SMYD3: variants seen among roughly 807,000 people sequenced by gnomAD.
SMYD3 encodes SET and MYND domain containing 3, also known as histone-lysine N-methyltransferase SMYD3.
In SMYD3, 36 loss-of-function variants were observed where a neutral mutation model predicts 57.7. That is an observed-to-expected ratio of 0.62 (90% CI 0.48 to 0.82). The LOEUF (loss-of-function observed/expected upper bound fraction) is 0.82. Among genes scored for constraint, SMYD3 ranks in the 40% least tolerant of loss-of-function variants. The probability of loss-of-function intolerance (pLI) is 0.00; values close to 1 mark genes in which losing one functional copy is unlikely to be tolerated. For synonymous variants in SMYD3, 211 were observed against 195.0 expected, an observed-to-expected ratio of 1.08 and a Z score of -0.68; for missense variants, 515 against 538.8, an observed-to-expected ratio of 0.96 and a Z score of 0.44.
At chr1:246,490,184 G>A (rs112845596) in intron 1 of SMYD3, among the ~76,000 whole-genome samples, 301 of 152,008 alleles carry the variant, frequency 2.0e-3, no homozygotes, top group Middle Eastern at 3.4e-3. Flanking sequence ...ATAAACATTC[G>A]CTGTGACATA....
intron 5 of SMYD3, among the ~76,000 whole-genome samples, chr1:246,034,083 A>C (rs894850602): frequency 6.6e-6 from 1 of 152,230 alleles, no homozygotes; most frequent in African/African-American, 2.4e-5. Context: ...AAAATTGCCT[A>C]GCACAGACAG....
intron 5 of SMYD3, among the ~76,000 whole-genome samples, chr1:246,196,277 G>T (rs914081057): frequency 6.6e-6 from 1 of 152,016 alleles, no homozygotes; most frequent in Non-Finnish European, 1.5e-5. Flanking sequence ...ATAACTCCTG[G>T]GTACAGACAC....
At chr1:245,795,131 G>A (rs2047467781) in intron 10 of SMYD3, among the ~76,000 whole-genome samples, 1 of 152,092 alleles carries the variant, frequency 6.6e-6, no homozygotes, top group Non-Finnish European at 1.5e-5. Context: ...CCCTCATCTT[G>A]AACAGGATCT....
intron 5 of SMYD3, among the ~76,000 whole-genome samples, chr1:246,115,273 A>G (rs976092193): frequency 1.3e-5 from 2 of 152,314 alleles, no homozygotes; most frequent in African/African-American, 2.4e-5. Flanking sequence ...CAGGTGCTCA[A>G]ATAAGACCAC....
intron 9 of SMYD3, among the ~76,000 whole-genome samples, chr1:245,860,246 C>T (rs1019432963): frequency 3.3e-5 from 5 of 152,108 alleles, no homozygotes; most frequent in Admixed American, 6.5e-5. Flanking sequence ...CAATTCAAAA[C>T]CCTCTTCACT....
chr1:245,766,236 C>G (rs967557751), intron 10 of SMYD3, among the ~76,000 whole-genome samples: 1 of 151,796 alleles, frequency 6.6e-6, no homozygotes, highest in Admixed American at 6.6e-5. Context: ...AACCCCGCCT[C>G]TACTAAAAAT....
rs145419172 is a variant in SMYD3 at position 245,830,424 on chromosome 1, T to C, written c.1076+28072A>G. On this transcript the variant is annotated intron_variant, in intron 10 of 11. Coordinates refer to ENST00000490107, the MANE Select transcript of SMYD3 (RefSeq NM_001167740.2). The stretch of plus-strand genomic sequence containing the variant: ...CTTATTCACTTCCAGGAGAACAGTA[T>C]GGGGGAAACTGCCTCCATGATTCAA... 3.3e-5 allele frequency among the ~76,000 whole-genome samples: 5 copies of C among 152,280 alleles called. No homozygotes were observed. The East Asian group carries it at 9.7e-4, about 29-fold the overall frequency.
chr1:246,125,101 C>CACACACACACACAT (rs2061491176), intron 5 of SMYD3, among the ~76,000 whole-genome samples: 2 of 150,578 alleles, frequency 1.3e-5, no homozygotes, highest in Middle Eastern at 3.2e-3. Context: ...CACACACACA[C>CACACACACACACAT]ACACATCTGG....
In SMYD3 at chr1:246,383,947, A is replaced by C. The variant is rs528747312; in HGVS notation, c.165-28853T>G. Among the ~76,000 whole-genome samples, 4 of 152,288 alleles carry C rather than the reference A, an allele frequency of 2.6e-5. No homozygotes were observed. In the South Asian group the frequency reaches 6.2e-4, roughly 24 times the overall value. On this transcript the variant is annotated intron_variant, in intron 1 of 11. Coordinates refer to ENST00000490107, the MANE Select transcript of SMYD3 (RefSeq NM_001167740.2). ...AGATAAACAGAAACATTTATAGTCA[A>C]GGGAAACACAAAGGCATTAAATAAA...
At chr1:246,062,057 A>C (rs970083645) in intron 5 of SMYD3, among the ~76,000 whole-genome samples, 1 of 152,218 alleles carries the variant, frequency 6.6e-6, no homozygotes, top group African/African-American at 2.4e-5. Context: ...AACAACCTCA[A>C]GCCAAAACTT....
intron 5 of SMYD3, among the ~76,000 whole-genome samples, chr1:246,147,388 T>G (rs148181293): frequency 1.4e-3 from 214 of 152,122 alleles, no homozygotes; most frequent in African/African-American, 5.1e-3. Context: ...ACAGCCCCCA[T>G]GAAGAGTATG....
chr1:246,446,932 G>A (rs546812277), intron 1 of SMYD3, among the ~76,000 whole-genome samples: 126 of 151,822 alleles, frequency 8.3e-4, no homozygotes, highest in Non-Finnish European at 1.2e-3. Context: ...AGGAGGCTGA[G>A]GCAGGAGAAT....
intron 1 of SMYD3, among the ~76,000 whole-genome samples, chr1:246,465,413 C>A (rs1239200520): frequency 6.6e-6 from 1 of 152,186 alleles, no homozygotes; most frequent in African/African-American, 2.4e-5. Flanking sequence ...TAAAACATAG[C>A]GGCATCTACT....
chr1:246,036,870 TTTA>T (rs1322351481), intron 5 of SMYD3, among the ~76,000 whole-genome samples: 9 of 152,040 alleles, frequency 5.9e-5, no homozygotes, highest in Admixed American at 2.0e-4. Flanking sequence ...CGCCTTTTAT[TTTA>T]TTATCATCAT....
chr1:246,215,613 T>C (rs2063152215), intron 5 of SMYD3, among the ~76,000 whole-genome samples: 1 of 152,172 alleles, frequency 6.6e-6, no homozygotes, highest in Non-Finnish European at 1.5e-5. Flanking sequence ...CACAGAGTAC[T>C]TTGGATCACT....
chr1:246,069,051 C>T lies in SMYD3; in HGVS notation c.532-139114G>A, dbSNP rs2060398235. ...GCTCTCATCTGAAAATATAACATGA[C>T]AAAGGCGACCAACTACATAGAACAT... On this transcript the variant is annotated intron_variant, in intron 5 of 11. Coordinates refer to ENST00000490107, the MANE Select transcript of SMYD3 (RefSeq NM_001167740.2). Among the ~76,000 whole-genome samples, 4 of 152,160 alleles carry T rather than the reference C, an allele frequency of 2.6e-5. No individual in the cohort carries two copies. The South Asian group carries it at 8.3e-4, about 32-fold the overall frequency.
chr1:246,325,300 G>A (rs1362282457), intron 5 of SMYD3, among the ~76,000 whole-genome samples: 1 of 125,406 alleles, frequency 8.0e-6, no homozygotes, highest in Non-Finnish European at 1.7e-5. Context: ...GAAGGAGTTG[G>A]GGGGGCGGGA....
At chr1:246,120,025 G>A (rs1003895316) in intron 5 of SMYD3, among the ~76,000 whole-genome samples, 2 of 152,174 alleles carry the variant, frequency 1.3e-5, no homozygotes, top group Non-Finnish European at 2.9e-5. Flanking sequence ...TTTATGCTTA[G>A]GTCTGACGAA....
At chr1:245,792,138 T>G (rs982748773) in intron 10 of SMYD3, among the ~76,000 whole-genome samples, 2 of 152,186 alleles carry the variant, frequency 1.3e-5, no homozygotes, top group Admixed American at 6.5e-5. Context: ...CTCATTCATT[T>G]ATTCATTCTC....
Sources: allele counts gnomAD v4.1 joint callset (sites outside exome capture counted in the v4.1 genomes callset), GRCh38; gene constraint gnomAD v4.1.1; transcripts MANE v1.5; gene names NCBI Gene and HGNC (gene_info 2026-07-23, HGNC 2026-07-21).